The following ASPM variants were observed in gnomAD, a reference collection of about 807,000 sequenced individuals.
The protein encoded by ASPM is assembly factor for spindle microtubules, also known as abnormal spindle-like microcephaly-associated protein.
Under a neutral mutation model 366.4 loss-of-function variants are expected in ASPM, and 256 were observed. The observed-to-expected ratio is 0.70, with a 90% confidence interval of 0.63 to 0.77. ASPM has a LOEUF of 0.77. ASPM is among the 30% of genes least tolerant of loss of function. ASPM has a pLI of 0.00. For synonymous variants in ASPM, 1,414 were observed against 1,342.9 expected, an observed-to-expected ratio of 1.05 and a Z score of -1.16; for missense variants, 4,146 against 4,090.4, an observed-to-expected ratio of 1.01 and a Z score of -0.37.
rs144969324 is a variant in ASPM, at chr1:197,103,741, C to T, written c.5510G>A (p.Gly1837Asp). 3.1e-4 allele frequency: 504 copies of T among 1,612,628 alleles called. 4 individuals are homozygous for T. The East Asian group carries it at 9.4e-3, about 30-fold the overall frequency. Residue 1837 changes from glycine (G) to aspartate (D), a missense_variant, in exon 18 of 28, where the codon GGC (glycine) becomes GAC (aspartate). This residue lies in a region of ASPM where 3,624 missense variants were observed against 3,591.7 expected (regional missense o/e 1.01). Coordinates refer to ENST00000367409, the MANE Select transcript of ASPM (RefSeq NM_018136.5). ...TTGATATTTTACCCTTTTATTATAG[C>T]CTCTAAAAGCAGACTGAATTTTAAG... ...AALKIQSAFRGYNKRVKYQSV... is the reference protein window; with the variant it reads ...AALKIQSAFRDYNKRVKYQSV...
chr1:197,129,700 G>T lies in ASPM; in HGVS notation c.2629+215C>A, dbSNP rs564175650. On this transcript the variant is annotated intron_variant, in intron 8 of 27. Coordinates refer to ENST00000367409, the MANE Select transcript of ASPM (RefSeq NM_018136.5). ...ACCCCCATAGGACTTACAACCTACTGGGGGGAGAGGATGGGTAGAGACAAC... is the reference window on the plus strand; with the variant it reads ...ACCCCCATAGGACTTACAACCTACTTGGGGGAGAGGATGGGTAGAGACAAC... 3.3e-5 allele frequency among the ~76,000 whole-genome samples: 5 copies of T among 152,190 alleles called. No homozygotes were observed. In the East Asian group the frequency reaches 7.7e-4, roughly 24 times the overall value.
intron 3 of ASPM, 87 bp from the exon 4 acceptor site, chr1:197,139,958 C>T (rs1180052147): frequency 2.2e-6 from 2 of 891,224 alleles, no homozygotes; most frequent in Non-Finnish European, 3.6e-6. Context: ...AGTTTGGGTT[C>T]TTCACAATCA....
rs757438060 is a variant in ASPM at position 197,102,666 on chromosome 1, G to A, written c.6585C>T (p.Leu2195=). Residue 2195 remains leucine (L), a synonymous_variant, in exon 18 of 28, where the codon CTC becomes CTT. Transcript: ENST00000367409. ...TLRKMQTAAT[L]IQSNYRRYRQ... ...TGTATCTTCTGTAGTTTGACTGAAT[G>A]AGTGTTGCTGCAGTCTGCATCTTTC... is the stretch of plus-strand genomic sequence containing the variant. The A allele has an allele frequency of 2.5e-6, 4 of 1,612,532 alleles. No homozygotes were observed. In the Admixed American group the frequency reaches 6.7e-5, roughly 27 times the overall value.
chr1:197,102,506 T>C lies in ASPM; in HGVS notation c.6745A>G (p.Ile2249Val), dbSNP rs745611744. 17 of 1,612,562 alleles carry C rather than the reference T, an allele frequency of 1.1e-5. No individual in the cohort carries two copies. The highest frequency in any genetic ancestry group is 3.3e-4 in the Middle Eastern group (2 of 6,072). The change falls in exon 18 of 28, where the codon ATT becomes GTT. Residue 2249 changes from isoleucine to valine, a missense_variant. Physicochemically the swap from Ile to Val is conservative, Grantham distance 29. Transcript: ENST00000367409. ...CTTCTAGCTTTCTTTCCCCTAAAAA[T>C]AGCCTGAATGTATATTACAGAATGC... ...LRHSVIYIQA[I>V]FRGKKARRHL... is the part of the protein sequence containing the mutation.
intron 8 of ASPM, among the ~76,000 whole-genome samples, chr1:197,129,660 A>C (rs1658202254): frequency 6.6e-6 from 1 of 152,144 alleles, no homozygotes; most frequent in Non-Finnish European, 1.5e-5. Flanking sequence ...ACAGTACCAA[A>C]TTACAACAAA....
rs1375441185 is a variant in ASPM, at chr1:197,104,607, A to C, written c.4644T>G (p.Phe1548Leu). 3.1e-6 allele frequency: 5 copies of C among 1,612,922 alleles called. No individual in the cohort carries two copies. In the East Asian group the frequency reaches 1.1e-4, roughly 36 times the overall value. The change falls in exon 18 of 28, where the codon TTT (phenylalanine) becomes TTG (leucine). Residue 1548 changes from phenylalanine to leucine, a missense_variant. By Grantham distance (22) the Phe-to-Leu change is conservative. Around this residue, in one of 3 missense-constraint regions of ASPM, gnomAD observed 3,624 missense variants for 3,591.7 expected, o/e 1.01. Transcript: ENST00000367409. The stretch of plus-strand genomic sequence containing the variant: ...ATAAATTATGAGCTTTCAGTCTCCT[A>C]AAAGCAGCTTGTAATTGAATGGCTG... Reference protein sequence around the residue: ...RAAAIQLQAAFRRLKAHNLCR... With the variant: ...RAAAIQLQAALRRLKAHNLCR...
chr1:197,132,427 G>T, intron 6 of ASPM, 75 bp from the exon 7 acceptor site: 1 of 1,245,688 alleles, frequency 8.0e-7, no homozygotes, highest in Non-Finnish European at 1.2e-6. Flanking sequence ...TTCAAGGAGA[G>T]TATATCAGTG....
intron 13 of ASPM, among the ~76,000 whole-genome samples, chr1:197,123,640 C>A (rs1397542947): frequency 6.6e-6 from 1 of 151,990 alleles, no homozygotes; most frequent in Non-Finnish European, 1.5e-5. Flanking sequence ...GATAGTTTAT[C>A]CACGTGTTTA....
intron 8 of ASPM, 103 bp from the exon 9 acceptor site, chr1:197,129,420 T>A: frequency 7.7e-7 from 1 of 1,295,536 alleles, no homozygotes; most frequent in Non-Finnish European, 1.1e-6. Flanking sequence ...AAACAAAAAG[T>A]GTAGGGTAGC....
At chr1:197,125,887 AAG>A (rs1274961482) in intron 10 of ASPM, among the ~76,000 whole-genome samples, 8 of 152,214 alleles carry the variant, frequency 5.3e-5, no homozygotes, top group Non-Finnish European at 2.9e-5. Flanking sequence ...AAAGGCTAGA[AAG>A]AGACTTAAGA....
In ASPM at chr1:197,146,129, C is replaced by T; in HGVS notation, c.297+12G>A. ...GAACACCGGCCTGGAGCACGCTCCT[C>T]CTGAGACCTACCTGCAACACGAAAC... On this transcript the variant is annotated intron_variant, in intron 1 of 27. Transcript: ENST00000367409. 1.2e-6 allele frequency: 2 copies of T among 1,613,962 alleles called. No individual in the cohort carries two copies. The highest frequency in any genetic ancestry group is 1.7e-6 in the Non-Finnish European group (2 of 1,179,948).
intron 18 of ASPM, 124 bp from the exon 19 acceptor site, chr1:197,096,288 T>TG: frequency 2.4e-6 from 2 of 825,760 alleles, no homozygotes; most frequent in Non-Finnish European, 4.0e-6. Flanking sequence ...TGCATAGTCA[T>TG]ATCATGACTC....
chr1:197,125,361 G>A (rs1047331733), intron 10 of ASPM, among the ~76,000 whole-genome samples, 170 bp from the exon 11 acceptor site: 1 of 152,168 alleles, frequency 6.6e-6, no homozygotes, highest in Non-Finnish European at 1.5e-5. Flanking sequence ...TCGGCAAGTA[G>A]AGTTCTTATT....
Position 197,092,075 on chromosome 1 carries a change from A to G in ASPM, c.9295-19T>C. The stretch of plus-strand genomic sequence containing the variant: ...CTAAAAACTAAAGGTGAAAAAACAA[A>G]GCATATTCAAGTATCTGCCTCCTAA... On this transcript the variant is annotated intron_variant, in intron 21 of 27. Coordinates refer to ENST00000367409, the MANE Select transcript of ASPM (RefSeq NM_018136.5). The G allele has an allele frequency of 6.2e-7, 1 of 1,610,382 alleles. No individual in the cohort carries two copies. The highest frequency in any genetic ancestry group is 8.5e-7 in the Non-Finnish European group (1 of 1,177,796).
chr1:197,100,823 C>T lies in ASPM; in HGVS notation c.8428G>A (p.Glu2810Lys), dbSNP rs181445676. 1 of 1,612,638 alleles carries T rather than the reference C, an allele frequency of 6.2e-7. No individual in the cohort carries two copies. The highest frequency in any genetic ancestry group is 2.2e-5 in the East Asian group (1 of 44,816). ...GCAGCCCTACTTTGAGAATGATACT[C>T]TGCTTCCTGTGAACAAGCAAGGCCA... ...ASGLACSQEAEYHSQSRAAVT... is the reference protein window; with the variant it reads ...ASGLACSQEAKYHSQSRAAVT... Residue 2810 changes from glutamate (E) to lysine (K), a missense_variant, in exon 18 of 28, where the codon GAG (glutamate) becomes AAG (lysine). By Grantham distance (56) the Glu-to-Lys change is moderately conservative. Transcript: ENST00000367409.
chr1:197,122,682 G>T, intron 13 of ASPM, 87 bp from the exon 14 acceptor site: 1 of 1,232,312 alleles, frequency 8.1e-7, no homozygotes, highest in Non-Finnish European at 1.2e-6. Context: ...GAATAATAAA[G>T]GCAGAGACTG....
rs367789619 is a variant in ASPM at position 197,129,835 on chromosome 1, T to C, written c.2629+80A>G. The C allele has an allele frequency of 2.0e-4, 311 of 1,532,576 alleles. 1 individual carries two copies. In the African/African-American group the frequency reaches 3.3e-3, roughly 16 times the overall value. 94.9% of individuals were successfully genotyped at this position (1,532,576 alleles called of 1,614,324 possible). A position where few individuals can be genotyped will look rare whatever the true frequency, so the allele number is the denominator to read the frequency against. On this transcript the variant is annotated intron_variant, in intron 8 of 27. Transcript: ENST00000367409. Reference sequence around the variant, plus strand: ...GATTGGTTTCTTTGAGAAAGGAAAATGTAAACAGAAACAGGAAGAATGACA... The same window carrying C: ...GATTGGTTTCTTTGAGAAAGGAAAACGTAAACAGAAACAGGAAGAATGACA...
At chr1:197,118,505 G>A (rs1657805981) in intron 16 of ASPM, among the ~76,000 whole-genome samples, 1 of 152,138 alleles carries the variant, frequency 6.6e-6, no homozygotes, top group Non-Finnish European at 1.5e-5. Flanking sequence ...TTTGGGCTAT[G>A]AGAAGTGGTA....
chr1:197,112,178 A>G (rs1452330616), intron 17 of ASPM, among the ~76,000 whole-genome samples: 1 of 152,218 alleles, frequency 6.6e-6, no homozygotes, highest in East Asian at 1.9e-4. Flanking sequence ...CAATGCAGCC[A>G]CAAGAAAGAA....
Sources: gnomAD v4.1 joint callset for allele counts (sites outside exome capture counted in the v4.1 genomes callset) on GRCh38, gnomAD v4.1.1 for gene constraint, gnomAD v4.1.1 regional missense constraint, MANE v1.5 for transcripts, NCBI Gene and HGNC (gene_info 2026-07-23, HGNC 2026-07-21) for gene names.